The following FAM171A1 variants were observed in gnomAD, a reference collection of about 807,000 sequenced individuals.
The protein encoded by FAM171A1 is family with sequence similarity 171 member A1, also known as protein FAM171A1.
A neutral mutation model predicts 74.9 loss-of-function variants in FAM171A1; 23 were observed. That is an observed-to-expected ratio of 0.31 (90% CI 0.22 to 0.44). The LOEUF (loss-of-function observed/expected upper bound fraction) is 0.44, where lower values mean the gene tolerates loss of function less well. FAM171A1 is among the 20% of genes least tolerant of loss of function. The pLI is 1.00. For missense variants in FAM171A1, 1,162 were observed against 1,159.2 expected, an observed-to-expected ratio of 1.00 and a Z score of -0.03; for synonymous variants, 527 against 505.7, an observed-to-expected ratio of 1.04 and a Z score of -0.57.
chr10:15,242,238 T>C (rs1236272428), intron 5 of FAM171A1, among the ~76,000 whole-genome samples: 1 of 152,226 alleles, frequency 6.6e-6, no homozygotes, highest in Non-Finnish European at 1.5e-5. Flanking sequence ...TATTTTAATT[T>C]CTACTTAGAT....
chr10:15,359,981 T>C (rs1177173307), intron 1 of FAM171A1, among the ~76,000 whole-genome samples: 3 of 152,278 alleles, frequency 2.0e-5, no homozygotes, highest in South Asian at 4.1e-4. Context: ...GTTGCTCCGG[T>C]TGGAGTGCGG....
intron 1 of FAM171A1, among the ~76,000 whole-genome samples, chr10:15,309,065 A>C (rs2131835595): frequency 6.6e-6 from 1 of 152,270 alleles, no homozygotes; most frequent in South Asian, 2.1e-4. Flanking sequence ...CTTATTGCAA[A>C]CCTGGTCCTA....
chr10:15,312,127 C>T (rs1835366389), intron 1 of FAM171A1, among the ~76,000 whole-genome samples: 1 of 152,228 alleles, frequency 6.6e-6, no homozygotes, highest in Admixed American at 6.5e-5. Flanking sequence ...TATACCAAAG[C>T]TGCCTCCCAT....
chr10:15,243,904 C>A, intron 5 of FAM171A1, among the ~76,000 whole-genome samples: 1 of 152,152 alleles, frequency 6.6e-6, no homozygotes, highest in Non-Finnish European at 1.5e-5. Flanking sequence ...GCGCCCGCCA[C>A]CACACCCGGC....
intron 1 of FAM171A1, among the ~76,000 whole-genome samples, chr10:15,317,570 T>C (rs1274527064): frequency 6.7e-6 from 1 of 149,980 alleles, no homozygotes; most frequent in African/African-American, 2.5e-5. Context: ...AATTTTTGTA[T>C]GTTTAGTAGA....
chr10:15,319,665 T>A (rs932501111), intron 1 of FAM171A1, among the ~76,000 whole-genome samples: 5 of 152,128 alleles, frequency 3.3e-5, no homozygotes, highest in Non-Finnish European at 5.9e-5. Flanking sequence ...ACTCCTGACC[T>A]CAGGTGGTCT....
Position 15,330,997 on chromosome 10 carries a change from C to T in FAM171A1, c.97+39959G>A, listed in dbSNP as rs1032762851. Among the ~76,000 whole-genome samples, 3 of 152,018 alleles carry T rather than the reference C, an allele frequency of 2.0e-5. No homozygotes were observed. In the South Asian group the frequency reaches 6.2e-4, roughly 32 times the overall value. ...CTCTGCCTCCTGGGTTCAAGCAATTCTCCTGCCTCAGTCTCCCAAGTAGCT... is the reference window on the plus strand; with the variant it reads ...CTCTGCCTCCTGGGTTCAAGCAATTTTCCTGCCTCAGTCTCCCAAGTAGCT... On this transcript the variant is annotated intron_variant, in intron 1 of 7. Transcript: ENST00000378116.
At chr10:15,312,327 T>C (rs1489352495) in intron 1 of FAM171A1, among the ~76,000 whole-genome samples, 21 of 152,230 alleles carry the variant, frequency 1.4e-4, no homozygotes, top group Admixed American at 1.4e-3. Flanking sequence ...AAAGCCCTGT[T>C]GCTTACTCGC....
intron 2 of FAM171A1, among the ~76,000 whole-genome samples, chr10:15,281,330 T>C (rs1344921878): frequency 6.6e-6 from 1 of 152,222 alleles, no homozygotes; most frequent in Non-Finnish European, 1.5e-5. Flanking sequence ...ATACAGAGTA[T>C]CTTTATTATA....
chr10:15,335,639 A>G (rs987277245), intron 1 of FAM171A1, among the ~76,000 whole-genome samples: 6 of 152,310 alleles, frequency 3.9e-5, no homozygotes, highest in South Asian at 4.1e-4. Context: ...AAGATGCTGA[A>G]CTTGTTTGAT....
At chr10:15,242,539 C>T (rs1392725130) in intron 5 of FAM171A1, among the ~76,000 whole-genome samples, 2 of 152,206 alleles carry the variant, frequency 1.3e-5, no homozygotes, top group Non-Finnish European at 2.9e-5. Flanking sequence ...ATAATCCCAG[C>T]TCTTTGGGAG....
chr10:15,215,351 C>T (rs1833953874), intron 7 of FAM171A1, among the ~76,000 whole-genome samples: 1 of 152,008 alleles, frequency 6.6e-6, no homozygotes, highest in Non-Finnish European at 1.5e-5. Flanking sequence ...ACTAAACAGA[C>T]ACGGCATCTA....
chr10:15,365,193 A>C lies in FAM171A1; in HGVS notation c.97+5763T>G, dbSNP rs1836044160. On this transcript the variant is annotated intron_variant, in intron 1 of 7. Coordinates refer to ENST00000378116, the MANE Select transcript of FAM171A1 (RefSeq NM_001010924.2). ...TAACATTTGCTACGTAAATTTATCTATGAGATTCCTACTGCATGGATTTTA... is the reference window on the plus strand; with the variant it reads ...TAACATTTGCTACGTAAATTTATCTCTGAGATTCCTACTGCATGGATTTTA... Among the ~76,000 whole-genome samples, 5 of 152,266 alleles carry C rather than the reference A, an allele frequency of 3.3e-5. No individual in the cohort carries two copies. In the South Asian group the frequency reaches 1.0e-3, roughly 32 times the overall value.
chr10:15,232,695 A>C (rs1834223099), intron 5 of FAM171A1, among the ~76,000 whole-genome samples: 1 of 152,226 alleles, frequency 6.6e-6, no homozygotes, highest in Non-Finnish European at 1.5e-5. Flanking sequence ...CTGCATTCCC[A>C]GATCAGCCCA....
chr10:15,290,576 T>C (rs1313379524), intron 1 of FAM171A1, among the ~76,000 whole-genome samples: 5 of 152,192 alleles, frequency 3.3e-5, no homozygotes, highest in Non-Finnish European at 7.3e-5. Flanking sequence ...ACCAGACCCC[T>C]GACCCTCAGG....
chr10:15,246,902 C>T (rs1005168719), intron 5 of FAM171A1, among the ~76,000 whole-genome samples: 1 of 152,238 alleles, frequency 6.6e-6, no homozygotes, highest in African/African-American at 2.4e-5. Context: ...CCAAGACCCT[C>T]AGCCCGAGCA....
chr10:15,281,340 A>G (rs2131806327), intron 2 of FAM171A1, among the ~76,000 whole-genome samples: 1 of 152,322 alleles, frequency 6.6e-6, no homozygotes. Flanking sequence ...TCTTTATTAT[A>G]TTGAAAAGGC....
intron 2 of FAM171A1, among the ~76,000 whole-genome samples, chr10:15,278,184 G>A (rs1834919125): frequency 1.4e-5 from 2 of 146,852 alleles, no homozygotes; most frequent in Non-Finnish European, 3.1e-5. Context: ...TCTACACCCT[G>A]GGTGGAACAG....
intron 1 of FAM171A1, among the ~76,000 whole-genome samples, chr10:15,326,165 G>A (rs374728840): frequency 6.6e-6 from 1 of 152,092 alleles, no homozygotes; most frequent in Non-Finnish European, 1.5e-5. Context: ...GTCACCAGAG[G>A]ACTTATGTTC....
Sources: allele counts gnomAD v4.1 joint callset (sites outside exome capture counted in the v4.1 genomes callset), GRCh38; gene constraint gnomAD v4.1.1; transcripts MANE v1.5; gene names NCBI Gene and HGNC (gene_info 2026-07-23, HGNC 2026-07-21).